The following LIMCH1 variants were observed in gnomAD, a reference collection of about 807,000 sequenced individuals.
The protein encoded by LIMCH1 is LIM and calponin homology domains-containing protein 1.
Under a neutral mutation model 176.5 loss-of-function variants are expected in LIMCH1, and 113 were observed. The observed-to-expected ratio is 0.64, with a 90% CI of 0.55 to 0.75. The LOEUF (loss-of-function observed/expected upper bound fraction) is 0.75. LIMCH1 is among the 30% of genes least tolerant of loss of function. The pLI, the probability that LIMCH1 is intolerant of heterozygous loss-of-function variation, is 0.00. For missense variants in LIMCH1, 1,674 were observed against 1,814.9 expected (o/e 0.92, Z 1.41); for synonymous variants, 619 against 645.9 (o/e 0.96, Z 0.63).
At chr4:41,515,957 C>A (rs541279282) in intron 2 of LIMCH1, among the ~76,000 whole-genome samples, 1 of 152,250 alleles carries the variant, frequency 6.6e-6, no homozygotes, top group South Asian at 2.1e-4. Context: ...GTTTTAGCTG[C>A]GCAAAGGAAA....
rs764604409 is a variant in LIMCH1 at position 41,467,156 on chromosome 4, T to TAC, written c.97-27379_97-27378insCA. ...TCCCATATATATATGTGTATGTATA[T>TAC]ATACACACACACACACACACACACA... On this transcript the variant is annotated intron_variant, in intron 1 of 26. Coordinates refer to the LIMCH1 transcript ENST00000313860. Among the ~76,000 whole-genome samples the TAC allele has an allele frequency of 8.5e-3, 853 of 100,300 alleles. 7 individuals are homozygous for TAC. The highest frequency in any genetic ancestry group is 0.011 in the Non-Finnish European group (581 of 52,414). 65.8% of individuals were successfully genotyped at this position (100,300 alleles called of 152,430 possible).
At chr4:41,661,275 C>T in intron 18 of LIMCH1, 145 bp from the exon 19 acceptor site, 2 of 640,910 alleles carry the variant, frequency 3.1e-6, no homozygotes, top group Non-Finnish European at 2.8e-6. Flanking sequence ...AATCCAGGCT[C>T]TCGCCATGAA....
chr4:41,382,211 G>T (rs1192906405), intron 1 of LIMCH1, among the ~76,000 whole-genome samples: 1 of 152,220 alleles, frequency 6.6e-6, no homozygotes, highest in Admixed American at 6.5e-5. Context: ...TGGAAACATG[G>T]AAGTGGGAGA....
At chr4:41,673,269 C>G (rs2095112415) in intron 22 of LIMCH1, among the ~76,000 whole-genome samples, 1 of 152,114 alleles carries the variant, frequency 6.6e-6, no homozygotes, top group African/African-American at 2.4e-5. Flanking sequence ...CCAGAACGAT[C>G]CCAAAGCTGG....
chr4:41,619,154 C>A, intron 5 of LIMCH1, 34 bp from the exon 6 acceptor site: 1 of 1,611,244 alleles, frequency 6.2e-7, no homozygotes, highest in Non-Finnish European at 8.5e-7. Flanking sequence ...GCTAGCCTAA[C>A]ACACTTTCTC....
chr4:41,678,651 T>C (rs1168763829), intron 23 of LIMCH1, among the ~76,000 whole-genome samples: 1 of 152,208 alleles, frequency 6.6e-6, no homozygotes, highest in Admixed American at 6.5e-5. Context: ...CCTGTGTTTC[T>C]AACTTGTTGC....
intron 23 of LIMCH1, among the ~76,000 whole-genome samples, chr4:41,678,350 A>G (rs1712767612): frequency 6.6e-6 from 1 of 151,638 alleles, no homozygotes; most frequent in Non-Finnish European, 1.5e-5. Flanking sequence ...TAAGTTTGGC[A>G]TTTTGTAACT....
At chr4:41,363,805 C>T (rs1340570416) in intron 1 of LIMCH1, among the ~76,000 whole-genome samples, 1 of 152,128 alleles carries the variant, frequency 6.6e-6, no homozygotes, top group Non-Finnish European at 1.5e-5. Context: ...TTTAACACTC[C>T]TAGTGACTTT....
intron 1 of LIMCH1, among the ~76,000 whole-genome samples, chr4:41,414,928 C>A (rs1397522979): frequency 6.6e-6 from 1 of 152,016 alleles, no homozygotes. Flanking sequence ...GGAATCAAAC[C>A]TTAGTTTGAG....
In LIMCH1 at chr4:41,629,473, G is replaced by T; in HGVS notation, c.1029-19G>T. 1.3e-6 allele frequency: 2 copies of T among 1,535,306 alleles called. No individual in the cohort carries two copies. The highest frequency in any genetic ancestry group is 1.7e-4 in the Middle Eastern group (1 of 5,986). On this transcript the variant is annotated intron_variant, in intron 8 of 31. Coordinates refer to ENST00000503057, the MANE Select transcript of LIMCH1 (RefSeq NM_001330672.2). ...ACTTGATTTTTCCATTGGTGTGGGGGCCCGGATCAAATGGACAGAAACCAG... is the reference window on the plus strand; with the variant it reads ...ACTTGATTTTTCCATTGGTGTGGGGTCCCGGATCAAATGGACAGAAACCAG...
chr4:41,402,008 A>G (rs1385278674), intron 1 of LIMCH1, among the ~76,000 whole-genome samples: 1 of 152,184 alleles, frequency 6.6e-6, no homozygotes, highest in Admixed American at 6.5e-5. Context: ...TGTTTTCCTA[A>G]TTGAATACCC....
chr4:41,668,281 G>A (rs2094901086), intron 21 of LIMCH1, among the ~76,000 whole-genome samples: 1 of 152,104 alleles, frequency 6.6e-6, no homozygotes, highest in Non-Finnish European at 1.5e-5. Context: ...TCTTAATGTG[G>A]AAACAAGTTT....
intron 3 of LIMCH1, 91 bp downstream of exon 3, chr4:41,603,996 AGTCCTT>A: frequency 2.6e-6 from 3 of 1,169,102 alleles, no homozygotes; most frequent in Admixed American, 3.9e-5. Context: ...TGCTGGAAAA[AGTCCTT>A]AGAAAAAAGT....
intron 2 of LIMCH1, among the ~76,000 whole-genome samples, chr4:41,523,323 AC>A (rs1333120690): frequency 2.6e-5 from 4 of 152,188 alleles, no homozygotes; most frequent in Non-Finnish European, 4.4e-5. Flanking sequence ...CTCCATTGTA[AC>A]TACTCAACTC....
intron 13 of LIMCH1, among the ~76,000 whole-genome samples, chr4:41,637,492 C>T (rs2093641332): frequency 6.6e-6 from 1 of 152,178 alleles, no homozygotes; most frequent in South Asian, 2.1e-4. Flanking sequence ...GCCCAGCCCA[C>T]TCTCTCAATG....
At chr4:41,392,683 A>G (rs573838534) in intron 1 of LIMCH1, among the ~76,000 whole-genome samples, 20 of 152,176 alleles carry the variant, frequency 1.3e-4, no homozygotes, top group Non-Finnish European at 2.4e-4. Flanking sequence ...CTTCCATCTC[A>G]TCTAGGGTCA....
intron 1 of LIMCH1, among the ~76,000 whole-genome samples, chr4:41,591,265 A>G (rs2087506491): frequency 6.7e-6 from 1 of 149,538 alleles, no homozygotes; most frequent in Non-Finnish European, 1.5e-5. Flanking sequence ...CTTGCTTGCC[A>G]AGGTCTTGCT....
At chr4:41,569,097 G>A (rs931333799) in intron 1 of LIMCH1, among the ~76,000 whole-genome samples, 9 of 152,150 alleles carry the variant, frequency 5.9e-5, no homozygotes, top group Admixed American at 2.6e-4. Context: ...GCCTACACCC[G>A]AACCAGCATA....
intron 2 of LIMCH1, among the ~76,000 whole-genome samples, chr4:41,603,492 C>A (rs2090266922): frequency 6.6e-6 from 1 of 152,180 alleles, no homozygotes; most frequent in African/African-American, 2.4e-5. Flanking sequence ...AAAATACTTG[C>A]ATGAAGATTT....
Sources: allele counts gnomAD v4.1 joint callset (sites outside exome capture counted in the v4.1 genomes callset), GRCh38; gene constraint gnomAD v4.1.1; transcripts MANE v1.5; gene names NCBI Gene and HGNC (gene_info 2026-07-23, HGNC 2026-07-21).